The following SMPDL3B variants were observed in gnomAD, a reference collection of about 807,000 sequenced individuals.
The protein encoded by SMPDL3B is acid sphingomyelinase-like phosphodiesterase 3b.
Under a neutral mutation model 37.9 loss-of-function variants are expected in SMPDL3B, and 31 were observed. The ratio of observed to expected loss-of-function variants is 0.82; its 90% CI spans 0.61 to 1.10. SMPDL3B has a LOEUF of 1.10. SMPDL3B is among the 50% of genes least tolerant of loss of function. The pLI is 0.00. For synonymous variants in SMPDL3B, 235 were observed against 242.6 expected (o/e 0.97, Z 0.29); for missense variants, 525 against 597.8 (o/e 0.88, Z 1.27).
chr1:27,953,446 C>T, intron 4 of SMPDL3B, 88 bp downstream of exon 4: 1 of 1,185,496 alleles, frequency 8.4e-7, no homozygotes, highest in East Asian at 2.4e-5. Flanking sequence ...AGAATAAGTA[C>T]TGATTTTATC....
chr1:27,948,305 T>C (rs925129780), intron 2 of SMPDL3B, among the ~76,000 whole-genome samples: 2 of 152,212 alleles, frequency 1.3e-5, no homozygotes, highest in Non-Finnish European at 2.9e-5. Context: ...AGAAAGTGCC[T>C]GGCAGAAAGT....
At chr1:27,946,542 C>T (rs1000128062) in intron 2 of SMPDL3B, among the ~76,000 whole-genome samples, 18 of 152,162 alleles carry the variant, frequency 1.2e-4, no homozygotes, top group African/African-American at 4.3e-4. Context: ...TTGACCCTAC[C>T]CTTACATCCA....
At chr1:27,947,225 A>G (rs113687060) in intron 2 of SMPDL3B, among the ~76,000 whole-genome samples, 1 of 151,814 alleles carries the variant, frequency 6.6e-6, no homozygotes, top group Admixed American at 6.6e-5. Context: ...TATTAGAGAC[A>G]AGGTTTCTCC....
intron 1 of SMPDL3B, 142 bp downstream of exon 1, chr1:27,935,386 G>A (rs1359106385): frequency 1.1e-5 from 7 of 642,114 alleles, no homozygotes; most frequent in Middle Eastern, 2.8e-4. Flanking sequence ...GGGAGAGCTA[G>A]TGGGCCTTAG....
intron 1 of SMPDL3B, among the ~76,000 whole-genome samples, chr1:27,939,853 C>T (rs1014052821): frequency 2.4e-4 from 37 of 151,982 alleles, no homozygotes; most frequent in Admixed American, 1.1e-3. Flanking sequence ...TGTAGAGGCA[C>T]GGTTTTGAAC....
chr1:27,945,310 C>A lies in SMPDL3B; in HGVS notation c.140C>A (p.Ser47Ter). 6.2e-7 allele frequency: 1 copy of A among 1,614,212 alleles called. No individual in the cohort carries two copies. Among genetic ancestry groups the A allele is most frequent in the Non-Finnish European group, 8.5e-7 (1 of 1,180,032 alleles). Residue 47 changes from serine to a stop codon, truncating the protein, a stop_gained, in exon 2 of 8, where the codon TCA (serine) becomes TAA (stop). Transcript: ENST00000373894. LOFTEE classifies it high-confidence loss of function. The surrounding 1 kb of genome is among the most constrained non-coding windows in gnomAD (Gnocchi z 4.0). Reference sequence around the variant, plus strand: ...AAAGACCCCTTCCAGGTGTGCCCATCAGCTGGATCCCAGCCAGTGCCCGAC... The same window carrying A: ...AAAGACCCCTTCCAGGTGTGCCCATAAGCTGGATCCCAGCCAGTGCCCGAC... Reference protein sequence around the residue: ...VSKDPFQVCPSAGSQPVPDAG... With the variant: ...VSKDPFQVCP
chr1:27,953,557 C>T (rs750261451), intron 4 of SMPDL3B, among the ~76,000 whole-genome samples, 199 bp downstream of exon 4: 6 of 152,222 alleles, frequency 3.9e-5, no homozygotes, highest in East Asian at 1.9e-4. Flanking sequence ...CTAAACCCCA[C>T]GACACTGATG....
rs776365039 is a variant in SMPDL3B at position 27,955,824 on chromosome 1, C to T, written c.831C>T (p.His277=). ...TCATAGCAGGGCAGTTCTTCGGGCA[C>T]CACCACACCGACAGCTTTCGGATGC... The part of the protein sequence containing the change: ...HRVIAGQFFG[H]HHTDSFRMLY... Residue 277 remains histidine (H), a synonymous_variant, in exon 6 of 8, where the codon CAC becomes CAT. Coordinates refer to ENST00000373894, the MANE Select transcript of SMPDL3B (RefSeq NM_014474.4). 6.2e-7 allele frequency: 1 copy of T among 1,614,070 alleles called. No homozygotes were observed. The highest frequency in any genetic ancestry group is 8.5e-7 in the Non-Finnish European group (1 of 1,179,996).
In SMPDL3B at chr1:27,958,868, G is replaced by T. The variant is rs544203099; in HGVS notation, c.*30G>T. On this transcript the variant is annotated 3_prime_UTR_variant, in exon 8 of 8. Coordinates refer to ENST00000373894, the MANE Select transcript of SMPDL3B (RefSeq NM_014474.4). The surrounding 1 kb of genome is among the most constrained non-coding windows in gnomAD (Gnocchi z 5.6). ...CCAGGCTCACCTTCTTCCTGGTAAC[G>T]GGTAACGGGGGCAGCGCCCAGGATC... is the stretch of plus-strand genomic sequence containing the variant. 6.5e-7 allele frequency: 1 copy of T among 1,527,862 alleles called. No homozygotes were observed. Among genetic ancestry groups the T allele is most frequent in the Admixed American group, 1.9e-5 (1 of 51,928 alleles). 94.6% of individuals were successfully genotyped at this position (1,527,862 alleles called of 1,614,324 possible).
chr1:27,954,571 T>C, intron 5 of SMPDL3B, 45 bp downstream of exon 5: 1 of 1,581,914 alleles, frequency 6.3e-7, no homozygotes, highest in Non-Finnish European at 8.7e-7. Context: ...GGTTATTTCC[T>C]GCACAAGTCT....
intron 2 of SMPDL3B, 179 bp from the exon 3 acceptor site, chr1:27,948,886 G>A (rs1434846683): frequency 1.7e-6 from 2 of 1,206,570 alleles, no homozygotes; most frequent in East Asian, 5.2e-5. Context: ...CAGGAAAATG[G>A]CAAAGCCTAG....
chr1:27,937,128 A>G (rs1435709868), intron 1 of SMPDL3B, among the ~76,000 whole-genome samples: 12 of 152,230 alleles, frequency 7.9e-5, no homozygotes, highest in African/African-American at 2.7e-4. Flanking sequence ...ATTCTGAGAC[A>G]GGGGATCAGA....
intron 4 of SMPDL3B, 77 bp from the exon 5 acceptor site, chr1:27,954,277 G>A (rs554924945): frequency 7.5e-7 from 1 of 1,325,818 alleles, no homozygotes; most frequent in South Asian, 1.4e-5. Flanking sequence ...AAGAAAGTGG[G>A]ACATTGAGGT....
intron 3 of SMPDL3B, among the ~76,000 whole-genome samples, chr1:27,951,460 A>G (rs2090455005): frequency 6.6e-6 from 1 of 152,194 alleles, no homozygotes; most frequent in Non-Finnish European, 1.5e-5. Flanking sequence ...TGCTGTGTTC[A>G]ACTTTACCCA....
In SMPDL3B at chr1:27,955,721, A is replaced by C; in HGVS notation, c.728A>C (p.Glu243Ala). 6.2e-7 allele frequency: 1 copy of C among 1,614,082 alleles called. No individual in the cohort carries two copies. The highest frequency in any genetic ancestry group is 8.5e-7 in the Non-Finnish European group (1 of 1,180,018). Residue 243 changes from glutamate (E) to alanine (A), a missense_variant, in exon 6 of 8, where the codon GAG (glutamate) becomes GCG (alanine). By Grantham distance (107) the Glu-to-Ala change is moderately radical. Coordinates refer to ENST00000373894, the MANE Select transcript of SMPDL3B (RefSeq NM_014474.4). ...GGCCACGTGCCCCCGGGGTTCTTTGAGAAGACGCAAAACAAGGCATGGTTC... is the reference window on the plus strand; with the variant it reads ...GGCCACGTGCCCCCGGGGTTCTTTGCGAAGACGCAAAACAAGGCATGGTTC... The part of the protein sequence containing the change: ...IVGHVPPGFF[E>A]KTQNKAWFRE...
chr1:27,956,104 AGAG>A, intron 7 of SMPDL3B, 22 bp downstream of exon 7: 14 of 1,614,154 alleles, frequency 8.7e-6, no homozygotes, highest in Non-Finnish European at 1.2e-5. Flanking sequence ...TGCGGAGGCC[AGAG>A]GAGGAGGGTG....
chr1:27,956,361 C>A, intron 7 of SMPDL3B: 1 of 1,332,736 alleles, frequency 7.5e-7, no homozygotes, highest in Non-Finnish European at 1.0e-6. Flanking sequence ...CCATCCGCTA[C>A]ACAAGAGAGA....
intron 1 of SMPDL3B, among the ~76,000 whole-genome samples, chr1:27,940,869 A>C (rs2090351521): frequency 6.6e-6 from 1 of 152,158 alleles, no homozygotes; most frequent in Non-Finnish European, 1.5e-5. Flanking sequence ...ACACCTCCCC[A>C]GTCTCACTCC....
chr1:27,958,775 G>C lies in SMPDL3B; in HGVS notation c.1305G>C (p.Thr435=). The C allele has an allele frequency of 6.2e-7, 1 of 1,610,306 alleles. No individual in the cohort carries two copies. Among genetic ancestry groups the C allele is most frequent in the South Asian group, 1.1e-5 (1 of 91,010 alleles). ...CCTGTCTGTATGCCTCTGGCACCAC[G>C]CCCGTGCCCCAGCTCCCGCTGCTGC... ...YTTCLYASGT[T]PVPQLPLLLM... is the part of the protein sequence containing the mutation. The change falls in exon 8 of 8, where the codon ACG becomes ACC. Residue 435 remains threonine, a synonymous_variant. Transcript: ENST00000373894. This position sits in a 1 kb window ranked among gnomAD's most constrained non-coding sequence, Gnocchi z 5.6.
Sources: gnomAD v4.1 joint callset for allele counts (sites outside exome capture counted in the v4.1 genomes callset) on GRCh38, gnomAD v4.1.1 for gene constraint, Gnocchi (gnomAD v3.1) non-coding constraint, MANE v1.5 for transcripts, NCBI Gene and HGNC (gene_info 2026-07-23, HGNC 2026-07-21) for gene names.